MUSK: variants seen among roughly 807,000 people sequenced by gnomAD.
The protein encoded by MUSK is muscle, skeletal receptor tyrosine-protein kinase.
A neutral mutation model predicts 88.7 loss-of-function variants in MUSK; 55 were observed. That is an observed-to-expected ratio of 0.62 (90% confidence interval 0.50 to 0.78). The LOEUF is 0.78. Ranked by LOEUF, MUSK falls within the 30% of genes least tolerant of loss-of-function variation. The pLI is 0.00. For synonymous variants in MUSK, 387 were observed against 391.9 expected (o/e 0.99, Z 0.15); for missense variants, 1,015 against 1,074.3 (o/e 0.94, Z 0.77).
At chr9:110,786,534 G>C (rs761913567) in intron 13 of MUSK, among the ~76,000 whole-genome samples, 102 of 151,870 alleles carry the variant, frequency 6.7e-4, no homozygotes, top group Non-Finnish European at 7.1e-4. Flanking sequence ...TAGTAATATA[G>C]TTCAATAATA....
intron 5 of MUSK, among the ~76,000 whole-genome samples, chr9:110,724,103 T>C (rs960371602): frequency 8.6e-5 from 13 of 152,018 alleles, no homozygotes; most frequent in African/African-American, 2.9e-4. Context: ...CTTGTTATTA[T>C]CAATTTCTAG....
chr9:110,755,874 T>C (rs529184726), intron 7 of MUSK, among the ~76,000 whole-genome samples: 21 of 148,764 alleles, frequency 1.4e-4, no homozygotes, highest in Non-Finnish European at 2.7e-4. Flanking sequence ...CTCTGACTAA[T>C]AATAATAATG....
intron 14 of MUSK, among the ~76,000 whole-genome samples, chr9:110,797,838 C>G (rs527615668): frequency 3.4e-4 from 52 of 152,248 alleles, no homozygotes; most frequent in African/African-American, 1.3e-3. Flanking sequence ...GATTATCAAG[C>G]AATTCCTGTT....
chr9:110,742,386 G>C (rs954385207), intron 6 of MUSK, among the ~76,000 whole-genome samples: 3 of 152,184 alleles, frequency 2.0e-5, no homozygotes, highest in Non-Finnish European at 4.4e-5. Context: ...AATCCAGGAG[G>C]TGGAGGTTAC....
At chr9:110,752,458 T>A (rs572485088) in intron 7 of MUSK, among the ~76,000 whole-genome samples, 8 of 152,248 alleles carry the variant, frequency 5.3e-5, no homozygotes, top group Non-Finnish European at 7.3e-5. Flanking sequence ...TCTCTCGGCA[T>A]CCGATGAGGC....
chr9:110,790,894 G>C (rs939846584), intron 14 of MUSK, among the ~76,000 whole-genome samples: 1 of 152,196 alleles, frequency 6.6e-6, no homozygotes, highest in South Asian at 2.1e-4. Context: ...GCATAGACTC[G>C]TTAAGAGGAG....
chr9:110,696,147 T>G (rs1343438878), intron 4 of MUSK, among the ~76,000 whole-genome samples: 3 of 151,922 alleles, frequency 2.0e-5, no homozygotes, highest in Non-Finnish European at 4.4e-5. Flanking sequence ...TGTGGTGGTG[T>G]GTGCCTATAA....
chr9:110,684,758 A>G (rs1392981846), intron 2 of MUSK, among the ~76,000 whole-genome samples: 4 of 151,822 alleles, frequency 2.6e-5, no homozygotes, highest in Middle Eastern at 3.2e-3. Context: ...ATTATTTTTA[A>G]ATTTATTTTT....
At chr9:110,689,623 A>G (rs1426136292) in intron 3 of MUSK, among the ~76,000 whole-genome samples, 1 of 102,552 alleles carries the variant, frequency 9.8e-6, no homozygotes, top group Non-Finnish European at 1.7e-5. Context: ...TAGTATATAT[A>G]TTATATATTA....
chr9:110,723,097 A>G, intron 5 of MUSK, among the ~76,000 whole-genome samples: 1 of 152,126 alleles, frequency 6.6e-6, no homozygotes. Context: ...TCATAGCAGC[A>G]CAATTTGCAA....
Position 110,775,429 on chromosome 9 carries a change from G to GT in MUSK, c.1185-353dup, listed in dbSNP as rs2077651953. On this transcript the variant is annotated intron_variant, in intron 9 of 14. Coordinates refer to ENST00000374448, the MANE Select transcript of MUSK (RefSeq NM_005592.4). ...AATGATCCTGACTTTCAGTAGGTGT[G>GT]TTTTTTAAACTCTGTATACCTTTTT... The GT allele has an allele frequency of 8.6e-5, 22 of 254,440 alleles. No individual in the cohort carries two copies. In the South Asian group the frequency reaches 1.0e-3, roughly 12 times the overall value. The allele number at this position is 254,440 out of a possible 1,614,324, so 15.8% of individuals were successfully genotyped here.
intron 6 of MUSK, among the ~76,000 whole-genome samples, chr9:110,745,810 C>T (rs997847408): frequency 2.0e-5 from 3 of 152,182 alleles, no homozygotes; most frequent in Non-Finnish European, 2.9e-5. Context: ...TAAATTGATA[C>T]TCACATAAGC....
At chr9:110,779,542 T>G (rs1047807704) in intron 11 of MUSK, among the ~76,000 whole-genome samples, 4 of 152,176 alleles carry the variant, frequency 2.6e-5, no homozygotes, top group Non-Finnish European at 4.4e-5. Flanking sequence ...CATGTTTACT[T>G]TTTACTGGCT....
intron 7 of MUSK, 87 bp from the exon 8 acceptor site, chr9:110,762,115 G>A: frequency 1.7e-6 from 2 of 1,188,590 alleles, no homozygotes; most frequent in East Asian, 2.7e-5. Flanking sequence ...AACAATCTCA[G>A]CCAAAGCATA....
At chr9:110,687,671 A>C (rs1298298746) in intron 3 of MUSK, among the ~76,000 whole-genome samples, 1 of 151,878 alleles carries the variant, frequency 6.6e-6, no homozygotes, top group African/African-American at 2.4e-5. Context: ...GTAAATAGAG[A>C]TTTTCTCAGG....
intron 7 of MUSK, 183 bp from the exon 8 acceptor site, chr9:110,762,019 T>A: frequency 1.1e-6 from 1 of 878,942 alleles, no homozygotes; most frequent in Non-Finnish European, 1.4e-6. Context: ...TTTCTTCATT[T>A]CCTCCGAATC....
At position 110,695,508 on chromosome 9, in the gene MUSK, TA is replaced by T; in HGVS notation, c.467del (p.Lys156ArgfsTer20). On this transcript the variant is annotated frameshift_variant, in exon 4 of 15. Transcript: ENST00000374448. LOFTEE classifies it high-confidence loss of function. ...MGNPKPSVSW[I>X]KGDSPLRENS... ...AATCCCAAACCATCAGTGTCTTGGA[TA>T]AAGGGAGACAGCCCTCTCAGGGTAA... is the stretch of plus-strand genomic sequence containing the variant. 6.4e-7 allele frequency: 1 copy of T among 1,566,736 alleles called. No homozygotes were observed. The highest frequency in any genetic ancestry group is 2.3e-5 in the East Asian group (1 of 42,832).
chr9:110,771,134 A>G (rs1214591038), intron 9 of MUSK, among the ~76,000 whole-genome samples: 1 of 147,280 alleles, frequency 6.8e-6, no homozygotes, highest in Non-Finnish European at 1.5e-5. Flanking sequence ...TTCACCACCC[A>G]TAAATTTCTC....
At chr9:110,710,770 C>T (rs919148246) in intron 5 of MUSK, among the ~76,000 whole-genome samples, 1 of 151,998 alleles carries the variant, frequency 6.6e-6, no homozygotes, top group African/African-American at 2.4e-5. Context: ...GTGAAGGCGG[C>T]CTTCGTGTGT....
Sources: gnomAD v4.1 joint callset for allele counts (sites outside exome capture counted in the v4.1 genomes callset) on GRCh38, gnomAD v4.1.1 for gene constraint, MANE v1.5 for transcripts, NCBI Gene and HGNC (gene_info 2026-07-23, HGNC 2026-07-21) for gene names.